The following POLA1 variants were observed in gnomAD, a reference collection of about 807,000 sequenced individuals.
POLA1 encodes DNA polymerase alpha 1, catalytic subunit, also known as DNA polymerase alpha catalytic subunit.
In POLA1, 15 loss-of-function variants were observed where a neutral mutation model predicts 124.0. That is an observed-to-expected ratio of 0.12 (90% CI 0.08 to 0.19). The LOEUF (loss-of-function observed/expected upper bound fraction) is 0.19, where lower values mean the gene tolerates loss of function less well. POLA1 is among the 10% of genes least tolerant of loss of function. The probability of loss-of-function intolerance (pLI) is 1.00; values close to 1 mark genes in which losing one functional copy is unlikely to be tolerated. For synonymous variants in POLA1, 408 were observed against 389.4 expected, an observed-to-expected ratio of 1.05 and a Z score of -0.56; for missense variants, 886 against 1,103.4, an observed-to-expected ratio of 0.80 and a Z score of 2.79.
At chrX:24,882,214 G>A (rs1316100673) in intron 34 of POLA1, among the ~76,000 whole-genome samples, 1 of 111,818 alleles carries the variant, frequency 8.9e-6, no homozygotes, top group Non-Finnish European at 1.9e-5. Context: ...TTTGACTCAA[G>A]TATGCAAACT....
intron 36 of POLA1, among the ~76,000 whole-genome samples, chrX:24,970,368 G>T (rs898601530): frequency 5.4e-5 from 6 of 111,904 alleles, no homozygotes; most frequent in Non-Finnish European, 9.4e-5. Flanking sequence ...GAAAACCTAG[G>T]CAATACCATC....
At chrX:24,844,822 G>A (rs1177842934) in intron 34 of POLA1, among the ~76,000 whole-genome samples, 1 of 111,646 alleles carries the variant, frequency 9.0e-6, no homozygotes, top group Non-Finnish European at 1.9e-5. Context: ...GTTGGCTGTG[G>A]GGTCACATTC....
At position 24,724,023 on chromosome X, in the gene POLA1, C is replaced by T. The variant is rs972898609; in HGVS notation, c.1201-312C>T. Among the ~76,000 whole-genome samples the T allele has an allele frequency of 3.1e-4, 35 of 112,516 alleles. 1 individual carries two copies. Among genetic ancestry groups the T allele is most frequent in the African/African-American group, 1.1e-3 (34 of 30,964 alleles). ...GGACTTAACATCCCCATTTCCCTCT[C>T]AGCCCCTCCCTATATCAGTTGAACT... On this transcript the variant is annotated intron_variant, in intron 11 of 36. Coordinates refer to ENST00000379068, the MANE Select transcript of POLA1 (RefSeq NM_001330360.2).
intron 35 of POLA1, among the ~76,000 whole-genome samples, chrX:24,917,690 A>G (rs2047554482): frequency 9.0e-6 from 1 of 111,661 alleles, no homozygotes; most frequent in Admixed American, 9.5e-5. Flanking sequence ...TAGGATAGAG[A>G]GTCTGTGTCC....
At position 24,814,974 on chromosome X, in the gene POLA1, TGCA is replaced by T; in HGVS notation, c.3297-2_3297del. On this transcript the variant is annotated splice_acceptor_variant and splice_polypyrimidine_tract_variant and intron_variant, in intron 29 of 36. Transcript: ENST00000379068. LOFTEE classifies it high-confidence loss of function. ...TTTGTTTTGTTTTTTTTTTTTTTTTTGCAGCTTTGTGATTGGCCAGATTCTTTC... is the reference window on the plus strand; with the variant it reads ...TTTGTTTTGTTTTTTTTTTTTTTTTTGCTTTGTGATTGGCCAGATTCTTTC... 9.2e-7 allele frequency: 1 copy of T among 1,088,922 alleles called. No homozygotes were observed. The allele number at this position is 1,088,922 out of a possible 1,213,427, so 89.7% of individuals were successfully genotyped here.
In POLA1 at chrX:24,739,355, T is replaced by C. The variant is rs760105533; in HGVS notation, c.2041-20T>C. The C allele has an allele frequency of 1.7e-6, 2 of 1,145,433 alleles. No homozygotes were observed. Among genetic ancestry groups the C allele is most frequent in the East Asian group, 6.2e-5 (2 of 32,123 alleles). 94.4% of individuals were successfully genotyped at this position (1,145,433 alleles called of 1,213,427 possible). The stretch of plus-strand genomic sequence containing the variant: ...GTGTCTGCTCTTTCATGAAGTTTGC[T>C]TTTTGTTCCCATCTTGTAGGGCCGG... On this transcript the variant is annotated intron_variant, in intron 19 of 36. Coordinates refer to ENST00000379068, the MANE Select transcript of POLA1 (RefSeq NM_001330360.2).
chrX:24,715,013 CAG>C (rs891575076), intron 5 of POLA1, 126 bp from the exon 6 acceptor site: 36 of 493,779 alleles, frequency 7.3e-5, no homozygotes, highest in Non-Finnish European at 1.1e-4. Flanking sequence ...GATGAGCACT[CAG>C]AGAGTGAGGA....
chrX:24,957,168 T>C (rs1321996295), intron 36 of POLA1, among the ~76,000 whole-genome samples: 2 of 111,814 alleles, frequency 1.8e-5, no homozygotes, highest in African/African-American at 6.5e-5. Context: ...TCAAATGCCT[T>C]TAGGACCATG....
intron 36 of POLA1, among the ~76,000 whole-genome samples, chrX:24,961,761 C>G (rs2048170631): frequency 9.0e-6 from 1 of 111,386 alleles, no homozygotes; most frequent in Non-Finnish European, 1.9e-5. Context: ...AAAAATCTGC[C>G]CAGACCAGTT....
intron 36 of POLA1, among the ~76,000 whole-genome samples, chrX:24,981,113 G>A (rs1601929497): frequency 8.9e-6 from 1 of 112,096 alleles, no homozygotes; most frequent in East Asian, 2.8e-4. Context: ...ACCTCTGTCA[G>A]GTTTATAGCT....
At chrX:24,720,106 T>C (rs1930112114) in intron 10 of POLA1, among the ~76,000 whole-genome samples, 1 of 112,187 alleles carries the variant, frequency 8.9e-6, no homozygotes, top group Admixed American at 9.4e-5. Context: ...AATAATTCTC[T>C]GTATGTACTT....
chrX:24,735,129 C>T (rs1197663613), intron 17 of POLA1, among the ~76,000 whole-genome samples: 1 of 111,829 alleles, frequency 8.9e-6, no homozygotes, highest in African/African-American at 3.3e-5. Flanking sequence ...ACAAGCATGT[C>T]CCTGTGGAGG....
At chrX:24,884,244 G>C (rs1015668128) in intron 34 of POLA1, among the ~76,000 whole-genome samples, 5 of 111,151 alleles carry the variant, frequency 4.5e-5, no homozygotes, top group African/African-American at 1.6e-4. Flanking sequence ...GACTTCCTGG[G>C]CTCCAGCCAT....
chrX:24,979,315 G>A (rs2048397591), intron 36 of POLA1, among the ~76,000 whole-genome samples: 1 of 111,718 alleles, frequency 9.0e-6, no homozygotes, highest in South Asian at 3.8e-4. Flanking sequence ...TGTAAGCATC[G>A]CGTAACAATT....
At chrX:24,843,962 A>T (rs1569335687) in intron 34 of POLA1, among the ~76,000 whole-genome samples, 2 of 111,691 alleles carry the variant, frequency 1.8e-5, no homozygotes, top group African/African-American at 6.5e-5. Flanking sequence ...GAAATGTTTT[A>T]GTTTATTGTT....
chrX:24,748,939 A>G lies in POLA1; in HGVS notation c.2911A>G (p.Ser971Gly). The change falls in exon 26 of 37, where the codon AGC becomes GGC. Residue 971 changes from serine to glycine, a missense_variant. Physicochemically the swap from Ser to Gly is moderately conservative, Grantham distance 56. This residue lies in a region of POLA1 where 182 missense variants were observed against 252.8 expected (regional missense o/e 0.72). Transcript: ENST00000379068. Reference sequence around the variant, plus strand: ...GTATGGTTGCCTGGGATTTTCCTATAGCAGATTTTACGCCAAACCACTGGC... The same window carrying G: ...GTATGGTTGCCTGGGATTTTCCTATGGCAGATTTTACGCCAAACCACTGGC... ...SMYGCLGFSYSRFYAKPLAAL... is the reference protein window; with the variant it reads ...SMYGCLGFSYGRFYAKPLAAL... The G allele has an allele frequency of 8.3e-7, 1 of 1,204,319 alleles. No individual in the cohort carries two copies. Among genetic ancestry groups the G allele is most frequent in the Non-Finnish European group, 1.1e-6 (1 of 888,647 alleles).
intron 26 of POLA1, among the ~76,000 whole-genome samples, chrX:24,798,346 A>G (rs1200486109): frequency 9.0e-6 from 1 of 110,899 alleles, no homozygotes; most frequent in African/African-American, 3.3e-5. Flanking sequence ...GAGTCCACCT[A>G]TACATAAATG....
Position 24,815,025 on chromosome X carries a change from G to T in POLA1, c.3343G>T (p.Val1115Leu). 8.5e-7 allele frequency: 1 copy of T among 1,177,222 alleles called. No homozygotes were observed. The highest frequency in any genetic ancestry group is 1.1e-6 in the Non-Finnish European group (1 of 872,342). The stretch of plus-strand genomic sequence containing the variant: ...TTCTGATCAAAGCCGGGACACTATA[G>T]TGGAAAACATTCAGAAGAGGCTGAT... The part of the protein sequence containing the change: ...ILSDQSRDTI[V>L]ENIQKRLIEI... The change falls in exon 30 of 37, where the codon GTG (valine) becomes TTG (leucine). Residue 1115 changes from valine (V) to leucine (L), a missense_variant. Transcript: ENST00000379068.
At chrX:24,970,733 T>C (rs2048292341) in intron 36 of POLA1, among the ~76,000 whole-genome samples, 1 of 112,579 alleles carries the variant, frequency 8.9e-6, no homozygotes, top group Admixed American at 9.4e-5. Context: ...TTTTAAATAT[T>C]GGTGTGTTTT....
Sources: gnomAD v4.1 joint callset for allele counts (sites outside exome capture counted in the v4.1 genomes callset) on GRCh38, gnomAD v4.1.1 for gene constraint, gnomAD v4.1.1 regional missense constraint, MANE v1.5 for transcripts, NCBI Gene and HGNC (gene_info 2026-07-23, HGNC 2026-07-21) for gene names.